The following TSPEAR variants were observed in gnomAD, a reference collection of about 807,000 sequenced individuals.
TSPEAR encodes thrombospondin-type laminin G domain and EAR repeat-containing protein.
TSPEAR carries 69 observed loss-of-function variants against 71.6 expected under a neutral mutation model. The observed-to-expected ratio is 0.96, with a 90% CI of 0.79 to 1.18. The LOEUF is 1.18. Ranked by LOEUF, TSPEAR falls within the 50% of genes most tolerant of loss-of-function variation. The probability of loss-of-function intolerance (pLI) is 0.00; values close to 1 mark genes in which losing one functional copy is unlikely to be tolerated. For missense variants in TSPEAR, 971 were observed against 894.9 expected (o/e 1.09, Z -1.09); for synonymous variants, 402 against 387.2 (o/e 1.04, Z -0.45).
chr21:44,711,177 T>A lies in TSPEAR; in HGVS notation c.82+256A>T, dbSNP rs1988199970. On this transcript the variant is annotated intron_variant, in intron 1 of 11. Transcript: ENST00000323084. The surrounding 1 kb of genome is among the most constrained non-coding windows in gnomAD (Gnocchi z 4.5). ...GCCCCGGTGGCTGCTGGTTAGCTCT[T>A]GAAGCTCGTCCCCACCCTGCGTGCG... Among the ~76,000 whole-genome samples, 1 of 152,160 alleles carries A rather than the reference T, an allele frequency of 6.6e-6. No individual in the cohort carries two copies. The highest frequency in any genetic ancestry group is 2.1e-4 in the South Asian group (1 of 4,826).
In TSPEAR at chr21:44,539,430, G is replaced by T. The variant is rs188356841; in HGVS notation, c.304-5507C>A. 2,960 of 1,602,888 alleles carry T rather than the reference G, an allele frequency of 1.8e-3. 2 individuals carry two copies. The highest frequency in any genetic ancestry group is 2.1e-3 in the South Asian group (187 of 90,806). On this transcript the variant is annotated intron_variant, in intron 2 of 11. Transcript: ENST00000323084. Reference sequence around the variant, plus strand: ...GAGACAGGCATACAGCAGGCGGGCCGGCATACAGGGCGGCAGAGGAGGGAC... The same window carrying T: ...GAGACAGGCATACAGCAGGCGGGCCTGCATACAGGGCGGCAGAGGAGGGAC...
At chr21:44,509,581 G>A (rs587720981) in intron 9 of TSPEAR, among the ~76,000 whole-genome samples, 195 bp from the exon 10 acceptor site, 22 of 151,516 alleles carry the variant, frequency 1.5e-4, no homozygotes, top group Middle Eastern at 3.4e-3. Flanking sequence ...GTGGGAGAGC[G>A]GGCGCAGAGG....
At chr21:44,574,775 C>T in intron 1 of TSPEAR, 1 of 1,614,140 alleles carries the variant, frequency 6.2e-7, no homozygotes, top group Non-Finnish European at 8.5e-7. Flanking sequence ...CCTCTTCATG[C>T]TGCCAGCAAT....
At chr21:44,576,480 G>A (rs1021186267) in intron 1 of TSPEAR, among the ~76,000 whole-genome samples, 9 of 151,784 alleles carry the variant, frequency 5.9e-5, no homozygotes, top group Admixed American at 2.0e-4. Context: ...AAACCTCATG[G>A]GTGAACAGAC....
At chr21:44,500,919 T>G (rs587709429) in intron 11 of TSPEAR, among the ~76,000 whole-genome samples, 1 of 152,348 alleles carries the variant, frequency 6.6e-6, no homozygotes, top group African/African-American at 2.4e-5. Flanking sequence ...TTAACACAGG[T>G]GGTCGACCCA....
chr21:44,647,009 A>G lies in TSPEAR; in HGVS notation c.82+64424T>C, dbSNP rs587598057. ...CCAGCTTGCTGCACCTCCTCCTCCT[A>G]CCAGCAGGCCTGCTGCGTGCCTGTC... is the stretch of plus-strand genomic sequence containing the variant. On this transcript the variant is annotated intron_variant, in intron 1 of 11. Coordinates refer to ENST00000323084, the MANE Select transcript of TSPEAR (RefSeq NM_144991.3). 1.5e-4 allele frequency: 229 copies of G among 1,536,886 alleles called. No homozygotes were observed. In the East Asian group the frequency reaches 2.1e-3, roughly 14 times the overall value.
At chr21:44,600,324 A>C (rs1555928272) in intron 1 of TSPEAR, among the ~76,000 whole-genome samples, 1 of 152,124 alleles carries the variant, frequency 6.6e-6, no homozygotes, top group African/African-American at 2.4e-5. Flanking sequence ...TGTCTACTTC[A>C]ATATTATGCT....
At position 44,654,434 on chromosome 21, in the gene TSPEAR, A is replaced by G. The variant is rs782103643; in HGVS notation, c.82+56999T>C. On this transcript the variant is annotated intron_variant, in intron 1 of 11. Transcript: ENST00000323084. The stretch of plus-strand genomic sequence containing the variant: ...GCCACCTGGCAGGGGCTGGGCACAC[A>G]GCAGGCTGGCTGGCAGCAGGTGGAT... 5.0e-6 allele frequency: 8 copies of G among 1,614,146 alleles called. No homozygotes were observed. In the South Asian group the frequency reaches 8.8e-5, roughly 18 times the overall value.
intron 1 of TSPEAR, chr21:44,574,856 C>T: frequency 6.2e-7 from 1 of 1,613,138 alleles, no homozygotes; most frequent in South Asian, 1.1e-5. Flanking sequence ...TCCTCTGCCG[C>T]CCCGTGTGCA....
intron 2 of TSPEAR, chr21:44,558,875 C>G: frequency 1.1e-6 from 1 of 920,606 alleles, no homozygotes; most frequent in Non-Finnish European, 1.6e-6. Context: ...GAGAAGCCTT[C>G]CTCTTCCTTG....
chr21:44,533,448 G>T (rs1416694986), intron 3 of TSPEAR, among the ~76,000 whole-genome samples: 2 of 148,666 alleles, frequency 1.3e-5, no homozygotes, highest in African/African-American at 5.0e-5. Flanking sequence ...CTGGCCCCTG[G>T]TCGGCTCCTG....
At chr21:44,525,164 AG>A (rs1555914771) in intron 8 of TSPEAR, among the ~76,000 whole-genome samples, 31 of 150,920 alleles carry the variant, frequency 2.1e-4, no homozygotes, top group Middle Eastern at 3.5e-3. Flanking sequence ...TTAGTCAGTC[AG>A]TCAGTCAGTG....
At chr21:44,539,782 C>T (rs1555916917) in intron 2 of TSPEAR, 9 of 1,612,114 alleles carry the variant, frequency 5.6e-6, no homozygotes, top group East Asian at 2.2e-5. Context: ...AGCTAGACTG[C>T]TGGCAGCATG....
intron 1 of TSPEAR, chr21:44,678,150 G>A (rs1986412757): frequency 5.3e-6 from 3 of 570,630 alleles, no homozygotes; most frequent in Non-Finnish European, 9.5e-6. Context: ...GTAAGTGGAG[G>A]CATGTGTACA....
At chr21:44,559,282 G>A (rs1249470946) in intron 2 of TSPEAR, among the ~76,000 whole-genome samples, 2 of 152,216 alleles carry the variant, frequency 1.3e-5, no homozygotes, top group African/African-American at 4.8e-5. Flanking sequence ...ACTGCTGGTT[G>A]TCAGTGGGAA....
intron 10 of TSPEAR, chr21:44,508,649 G>A (rs1433102760): frequency 2.5e-6 from 3 of 1,189,662 alleles, no homozygotes; most frequent in Non-Finnish European, 3.2e-6. Context: ...CACGGAGCGT[G>A]TCGGTCTGGA....
At chr21:44,522,596 G>A (rs1373524481) in intron 8 of TSPEAR, among the ~76,000 whole-genome samples, 1 of 152,248 alleles carries the variant, frequency 6.6e-6, no homozygotes, top group Non-Finnish European at 1.5e-5. Context: ...GGTCCTGCAG[G>A]CGGAGAGATG....
chr21:44,709,284 G>A (rs1341091390), intron 1 of TSPEAR, among the ~76,000 whole-genome samples: 1 of 152,258 alleles, frequency 6.6e-6, no homozygotes, highest in African/African-American at 2.4e-5. Context: ...ACGCAGCCCG[G>A]ACCACAGGCT....
intron 3 of TSPEAR, among the ~76,000 whole-genome samples, chr21:44,531,576 C>CGG (rs201585854): frequency 6.8e-6 from 1 of 148,098 alleles, no homozygotes; most frequent in African/African-American, 2.5e-5. Flanking sequence ...GACATGAATT[C>CGG]GGGGGGGGCA....
Sources: allele counts gnomAD v4.1 joint callset (sites outside exome capture counted in the v4.1 genomes callset), GRCh38; gene constraint gnomAD v4.1.1; non-coding constraint Gnocchi (gnomAD v3.1); transcripts MANE v1.5; gene names NCBI Gene and HGNC (gene_info 2026-07-23, HGNC 2026-07-21).